The following RAB7A variants were observed in gnomAD, a reference collection of about 807,000 sequenced individuals.
The protein encoded by RAB7A is RAB7A, member RAS oncogene family, also known as ras-related protein Rab-7a.
RAB7A carries 2 observed loss-of-function variants against 24.5 expected under a neutral mutation model. The ratio of observed to expected loss-of-function variants is 0.08; its 90% CI spans 0.03 to 0.26. The LOEUF is 0.26. Ranked by LOEUF, RAB7A falls within the 10% of genes least tolerant of loss-of-function variation. The pLI, the probability that RAB7A is intolerant of heterozygous loss-of-function variation, is 1.00. For synonymous variants in RAB7A, 100 were observed against 95.9 expected, an observed-to-expected ratio of 1.04 and a Z score of -0.25; for missense variants, 118 against 255.7, an observed-to-expected ratio of 0.46 and a Z score of 3.67.
intron 1 of RAB7A, among the ~76,000 whole-genome samples, chr3:128,769,069 T>A (rs931320110): frequency 1.3e-4 from 20 of 149,718 alleles, no homozygotes; most frequent in Non-Finnish European, 2.7e-4. Context: ...ATTTTTGTAA[T>A]TTTTTGTAGA....
intron 1 of RAB7A, among the ~76,000 whole-genome samples, chr3:128,772,839 G>A (rs1348659652): frequency 1.3e-5 from 2 of 152,262 alleles, no homozygotes; most frequent in Non-Finnish European, 2.9e-5. Flanking sequence ...TGATCTGCCA[G>A]CCTCGGCCCC....
chr3:128,754,477 CA>C (rs774047776), intron 1 of RAB7A, among the ~76,000 whole-genome samples: 1 of 152,036 alleles, frequency 6.6e-6, no homozygotes, highest in Non-Finnish European at 1.5e-5. Flanking sequence ...CAACTAAACA[CA>C]AAATAAGATA....
intron 1 of RAB7A, among the ~76,000 whole-genome samples, chr3:128,743,068 C>A (rs571007851): frequency 6.6e-6 from 1 of 152,218 alleles, no homozygotes; most frequent in African/African-American, 2.4e-5. Flanking sequence ...CCCTGCCCCA[C>A]GGGGAGGCAG....
rs1933835098 is a variant in RAB7A at position 128,807,679 on chromosome 3, T to C, written c.528+8T>C. Reference sequence around the variant, plus strand: ...CGGAATGCACTTAAGCAGGTGGGTCTCCCACAGCTGACCAGCCCACTCTGG... The same window carrying C: ...CGGAATGCACTTAAGCAGGTGGGTCCCCCACAGCTGACCAGCCCACTCTGG... On this transcript the variant is annotated splice_region_variant and intron_variant, in intron 5 of 5. Transcript: ENST00000265062. 3 of 1,614,070 alleles carry C rather than the reference T, an allele frequency of 1.9e-6. No individual in the cohort carries two copies. Among genetic ancestry groups the C allele is most frequent in the Non-Finnish European group, 2.5e-6 (3 of 1,180,034 alleles).
In RAB7A at chr3:128,813,599, A is replaced by C; in HGVS notation, c.*177A>C. 1.7e-6 allele frequency: 1 copy of C among 585,572 alleles called. No individual in the cohort carries two copies. The highest frequency in any genetic ancestry group is 3.2e-6 in the Non-Finnish European group (1 of 309,378). 36.3% of individuals were successfully genotyped at this position (585,572 alleles called of 1,614,324 possible). A position where few individuals can be genotyped will look rare whatever the true frequency, so the allele number is the denominator to read the frequency against. On this transcript the variant is annotated 3_prime_UTR_variant, in exon 6 of 6. Coordinates refer to ENST00000265062, the MANE Select transcript of RAB7A (RefSeq NM_004637.6). ...CCACATATCTCTCACACACACACAC[A>C]CACGCACACACACACACACAGATCT...
intron 1 of RAB7A, among the ~76,000 whole-genome samples, chr3:128,760,942 C>T (rs2070771804): frequency 6.6e-6 from 1 of 152,200 alleles, no homozygotes; most frequent in Non-Finnish European, 1.5e-5. Flanking sequence ...ATCCTCCCTA[C>T]AACCCTAAGA....
Position 128,795,350 on chromosome 3 carries a change from C to A in RAB7A, c.-8-10C>A, listed in dbSNP as rs758123417. Reference sequence around the variant, plus strand: ...CACACTCACAGTGATTTCTCCTTTTCCCCCTTTAGTTTGAAGGATGACCTC... The same window carrying A: ...CACACTCACAGTGATTTCTCCTTTTACCCCTTTAGTTTGAAGGATGACCTC... On this transcript the variant is annotated splice_polypyrimidine_tract_variant and intron_variant, in intron 1 of 5. Transcript: ENST00000265062. The A allele has an allele frequency of 1.9e-6, 3 of 1,608,336 alleles. No homozygotes were observed. Among genetic ancestry groups the A allele is most frequent in the South Asian group, 1.1e-5 (1 of 90,930 alleles).
chr3:128,791,599 G>A (rs1933453601), intron 1 of RAB7A, among the ~76,000 whole-genome samples: 1 of 152,170 alleles, frequency 6.6e-6, no homozygotes, highest in African/African-American at 2.4e-5. Flanking sequence ...TTGTTTCTGG[G>A]CATGGTCCTT....
intron 4 of RAB7A, 148 bp from the exon 5 acceptor site, chr3:128,807,395 C>A: frequency 8.6e-7 from 1 of 1,167,826 alleles, no homozygotes; most frequent in Non-Finnish European, 1.3e-6. Flanking sequence ...GACGGGTCTG[C>A]AGGTCTCCTC....
chr3:128,762,504 C>CA (rs1466351462), intron 1 of RAB7A, among the ~76,000 whole-genome samples: 4 of 152,116 alleles, frequency 2.6e-5, no homozygotes, highest in African/African-American at 9.7e-5. Context: ...CCGTGACCCT[C>CA]AAAATGGAAG....
At chr3:128,739,104 T>A (rs1375980635) in intron 1 of RAB7A, among the ~76,000 whole-genome samples, 2 of 152,224 alleles carry the variant, frequency 1.3e-5, no homozygotes, top group African/African-American at 4.8e-5. Flanking sequence ...CTGTTAGCCA[T>A]TGAGTATATG....
At chr3:128,808,028 G>C (rs565450180) in intron 5 of RAB7A, among the ~76,000 whole-genome samples, 1 of 152,108 alleles carries the variant, frequency 6.6e-6, no homozygotes, top group Non-Finnish European at 1.5e-5. Context: ...TCCCAGCTCT[G>C]CTGCGTACCA....
intron 1 of RAB7A, chr3:128,764,354 A>G (rs982705494): frequency 6.4e-6 from 4 of 623,692 alleles, no homozygotes; most frequent in Non-Finnish European, 1.1e-5. Flanking sequence ...GAAGAACTTA[A>G]GTGGATGTTT....
At chr3:128,735,280 A>T (rs570705132) in intron 1 of RAB7A, among the ~76,000 whole-genome samples, 1 of 152,222 alleles carries the variant, frequency 6.6e-6, no homozygotes, top group Non-Finnish European at 1.5e-5. Context: ...GAATGGCATA[A>T]GTCAATGAAT....
intron 1 of RAB7A, among the ~76,000 whole-genome samples, chr3:128,734,465 A>C (rs2070470594): frequency 1.0e-5 from 1 of 95,980 alleles, no homozygotes; most frequent in African/African-American, 7.5e-5. Context: ...AAAAAAAAAA[A>C]AAAAAAAAAA....
At chr3:128,791,294 C>G (rs6771177) in intron 1 of RAB7A, among the ~76,000 whole-genome samples, 17,337 of 152,094 alleles carry the variant, frequency 0.11, 1,102 homozygotes, top group African/African-American at 0.17. Context: ...TGCCCACCAC[C>G]ACGACCAGCT....
chr3:128,789,735 C>G (rs1933414797), intron 1 of RAB7A, among the ~76,000 whole-genome samples: 1 of 151,468 alleles, frequency 6.6e-6, no homozygotes, highest in South Asian at 2.1e-4. Context: ...TTGAAGCTAA[C>G]TCTGCTTGGG....
intron 1 of RAB7A, among the ~76,000 whole-genome samples, chr3:128,772,511 G>A (rs867094004): frequency 3.0e-4 from 45 of 152,238 alleles, no homozygotes; most frequent in Non-Finnish European, 2.2e-4. Context: ...TGTCCTAATA[G>A]TTACATGTTA....
At chr3:128,806,797 T>C (rs1207600343) in intron 4 of RAB7A, among the ~76,000 whole-genome samples, 1 of 152,224 alleles carries the variant, frequency 6.6e-6, no homozygotes, top group African/African-American at 2.4e-5. Context: ...CCCAGCTGGC[T>C]GTGACTTTGG....
Sources: gnomAD v4.1 joint callset for allele counts (sites outside exome capture counted in the v4.1 genomes callset) on GRCh38, gnomAD v4.1.1 for gene constraint, MANE v1.5 for transcripts, NCBI Gene and HGNC (gene_info 2026-07-23, HGNC 2026-07-21) for gene names.